STAU1: variants seen among roughly 807,000 people sequenced by gnomAD.
STAU1 encodes the protein double-stranded RNA-binding protein Staufen homolog 1.
A neutral mutation model predicts 62.9 loss-of-function variants in STAU1; 13 were observed. The observed-to-expected ratio is 0.21, with a 90% CI of 0.13 to 0.33. The LOEUF (loss-of-function observed/expected upper bound fraction) is 0.33, where lower values mean the gene tolerates loss of function less well. STAU1 is among the 10% of genes least tolerant of loss of function. The pLI, the probability that STAU1 is intolerant of heterozygous loss-of-function variation, is 1.00. For synonymous variants in STAU1, 269 were observed against 265.1 expected, an observed-to-expected ratio of 1.01 and a Z score of -0.14; for missense variants, 571 against 712.1, an observed-to-expected ratio of 0.80 and a Z score of 2.25.
chr20:49,138,637 G>T (rs538732000), intron 5 of STAU1, among the ~76,000 whole-genome samples: 13 of 152,140 alleles, frequency 8.5e-5, no homozygotes, highest in South Asian at 6.2e-4. Flanking sequence ...GAGTAGCTGG[G>T]ACTACTGGCA....
intron 3 of STAU1, chr20:49,158,505 A>T (rs1374264517): frequency 7.7e-7 from 1 of 1,304,230 alleles, no homozygotes. Flanking sequence ...CCACTAAAGG[A>T]AAAAAACAAA....
At chr20:49,204,592 TTATATATATATATATATATATA>T in the STAU1 span, among the ~76,000 whole-genome samples, 4 of 45,658 alleles carry the variant, frequency 8.8e-5, 1 homozygote, top group Middle Eastern at 0.034. Flanking sequence ...GGATTTTACA[TTATATATATATATATATATATA>T]TATATATATG....
intron 1 of STAU1, among the ~76,000 whole-genome samples, chr20:49,183,622 G>C (rs934805547): frequency 6.6e-6 from 1 of 152,230 alleles, no homozygotes; most frequent in African/African-American, 2.4e-5. Flanking sequence ...GTATTGGGGA[G>C]AGAGACTGGA....
chr20:49,134,945 C>A (rs1221261123), intron 6 of STAU1: 1 of 1,599,280 alleles, frequency 6.3e-7, no homozygotes. Flanking sequence ...GAATGATAAA[C>A]CCAGCACGTG....
the STAU1 span, among the ~76,000 whole-genome samples, chr20:49,209,498 G>C: frequency 6.7e-6 from 1 of 149,808 alleles, no homozygotes; most frequent in East Asian, 2.0e-4. Context: ...TAATCTCACA[G>C]TTTGCGAGGC....
At chr20:49,194,770 G>A in the STAU1 span, among the ~76,000 whole-genome samples, 25 of 151,812 alleles carry the variant, frequency 1.6e-4, no homozygotes, top group Admixed American at 1.6e-3. Context: ...GCAGAGATGG[G>A]GTTTCACTCT....
At chr20:49,205,664 A>C in the STAU1 span, among the ~76,000 whole-genome samples, 12 of 148,222 alleles carry the variant, frequency 8.1e-5, no homozygotes, top group East Asian at 2.4e-3. Context: ...GTGCCTGGCC[A>C]AAGTTAGCTT....
intron 2 of STAU1, among the ~76,000 whole-genome samples, chr20:49,167,736 T>C (rs2093545452): frequency 6.6e-6 from 1 of 152,216 alleles, no homozygotes; most frequent in Admixed American, 6.5e-5. Flanking sequence ...AAACACTTTT[T>C]TCCTCCTCTC....
At chr20:49,212,741 C>T in the STAU1 span, among the ~76,000 whole-genome samples, 1 of 151,196 alleles carries the variant, frequency 6.6e-6, no homozygotes, top group African/African-American at 2.4e-5. Flanking sequence ...GGATTACAGG[C>T]ATGTGCCACC....
Position 49,114,650 on chromosome 20 carries a change from A to T in STAU1, c.*228T>A. The T allele has an allele frequency of 2.0e-6, 1 of 502,786 alleles. No homozygotes were observed. The highest frequency in any genetic ancestry group is 3.6e-6 in the Non-Finnish European group (1 of 276,488). The allele number at this position is 502,786 out of a possible 1,614,324, so 31.1% of individuals were successfully genotyped here. A position where few individuals can be genotyped will look rare whatever the true frequency, so the allele number is the denominator to read the frequency against. On this transcript the variant is annotated 3_prime_UTR_variant, in exon 14 of 14. Transcript: ENST00000371856. ...TCCCCACAGGCAGCTGCTATTGCGTAGGGACCGCCAGGTCACCGAGTGGCC... is the reference window on the plus strand; with the variant it reads ...TCCCCACAGGCAGCTGCTATTGCGTTGGGACCGCCAGGTCACCGAGTGGCC...
chr20:49,146,326 G>A (rs2093131268), intron 5 of STAU1, among the ~76,000 whole-genome samples: 2 of 152,122 alleles, frequency 1.3e-5, no homozygotes. Flanking sequence ...AATTAAGTAT[G>A]CACCTATCCC....
At chr20:49,118,299 G>A (rs530048602) in intron 10 of STAU1, 34 bp downstream of exon 10, 131 of 1,584,220 alleles carry the variant, frequency 8.3e-5, no homozygotes, top group Non-Finnish European at 1.1e-4. Context: ...CCAGAATCAC[G>A]TTCAGAGGAA....
At chr20:49,177,460 C>T (rs897671191) in intron 1 of STAU1, among the ~76,000 whole-genome samples, 3 of 151,452 alleles carry the variant, frequency 2.0e-5, no homozygotes, top group South Asian at 2.1e-4. Flanking sequence ...TGGCAGATCC[C>T]GAAGTCAGGA....
chr20:49,166,559 T>C (rs2146398045), intron 2 of STAU1, among the ~76,000 whole-genome samples: 1 of 152,316 alleles, frequency 6.6e-6, no homozygotes, highest in Non-Finnish European at 1.5e-5. Flanking sequence ...TAATATTTAT[T>C]GGTGAGTATT....
At chr20:49,197,271 A>C in the STAU1 span, among the ~76,000 whole-genome samples, 2 of 151,732 alleles carry the variant, frequency 1.3e-5, no homozygotes, top group African/African-American at 4.8e-5. Flanking sequence ...AGAAAAAAAA[A>C]AAAAACGAGG....
intron 3 of STAU1, among the ~76,000 whole-genome samples, chr20:49,163,264 G>A (rs111253090): frequency 0.012 from 1,799 of 151,660 alleles, 40 homozygotes; most frequent in African/African-American, 0.04. Flanking sequence ...AGGGTGTTGG[G>A]AAGCAGAATA....
chr20:49,115,303 T>C (rs1233719328), intron 13 of STAU1, among the ~76,000 whole-genome samples: 1 of 151,942 alleles, frequency 6.6e-6, no homozygotes, highest in East Asian at 1.9e-4. Flanking sequence ...TCAAAAAGGT[T>C]TTTTTGTTTT....
chr20:49,188,863 A>C (rs935812700), upstream of STAU1, among the ~76,000 whole-genome samples: 2 of 136,600 alleles, frequency 1.5e-5, no homozygotes, highest in African/African-American at 2.9e-5. Context: ...ATTCTTGTGT[A>C]AGTAAAATAC....
At chr20:49,218,667 G>A in the STAU1 span, among the ~76,000 whole-genome samples, 1 of 152,132 alleles carries the variant, frequency 6.6e-6, no homozygotes, top group Non-Finnish European at 1.5e-5. Context: ...CGTGACTAAA[G>A]GTGTGAACCA....
Sources: allele counts gnomAD v4.1 joint callset (sites outside exome capture counted in the v4.1 genomes callset), GRCh38; gene constraint gnomAD v4.1.1; transcripts MANE v1.5; gene names NCBI Gene and HGNC (gene_info 2026-07-23, HGNC 2026-07-21).